NR1D2: variants seen among roughly 807,000 people sequenced by gnomAD.
NR1D2 encodes the protein nuclear receptor subfamily 1 group D member 2, also known as V-erbA-related protein 1-related.
NR1D2 carries 25 observed loss-of-function variants against 52.2 expected under a neutral mutation model. The ratio of observed to expected loss-of-function variants is 0.48; its 90% confidence interval spans 0.35 to 0.67. The LOEUF (loss-of-function observed/expected upper bound fraction) is 0.67, where lower values mean the gene tolerates loss of function less well. Ranked by LOEUF, NR1D2 falls within the 30% of genes least tolerant of loss-of-function variation. NR1D2 has a pLI of 0.01. For synonymous variants in NR1D2, 259 were observed against 230.1 expected (o/e 1.13, Z -1.14); for missense variants, 681 against 707.2 (o/e 0.96, Z 0.42).
chr3:23,945,567 C>A lies in NR1D2; in HGVS notation c.-12C>A. Reference sequence around the variant, plus strand: ...GGAAGCGGGCGGCCCCGGCCGCCTCCGCGAGGGCACCATGGAGGTGAATGC... The same window carrying A: ...GGAAGCGGGCGGCCCCGGCCGCCTCAGCGAGGGCACCATGGAGGTGAATGC... On this transcript the variant is annotated 5_prime_UTR_variant, in exon 1 of 8. Transcript: ENST00000312521. 1 of 1,165,326 alleles carries A rather than the reference C, an allele frequency of 8.6e-7. No homozygotes were observed. 72.2% of individuals were successfully genotyped at this position (1,165,326 alleles called of 1,614,324 possible).
At chr3:23,961,128 G>A (rs1034820484) in intron 4 of NR1D2, among the ~76,000 whole-genome samples, 1 of 151,722 alleles carries the variant, frequency 6.6e-6, no homozygotes, top group African/African-American at 2.4e-5. Context: ...TTTTTAAAGA[G>A]GCTGGAAAAG....
At chr3:23,952,651 G>T (rs1575146798) in intron 1 of NR1D2, among the ~76,000 whole-genome samples, 1 of 151,902 alleles carries the variant, frequency 6.6e-6, no homozygotes, top group African/African-American at 2.4e-5. Context: ...GCATGAACCC[G>T]GGAGGCGGAG....
At chr3:23,954,502 G>T (rs559492799) in intron 1 of NR1D2, 35 bp from the exon 2 acceptor site, 52 of 1,577,026 alleles carry the variant, frequency 3.3e-5, no homozygotes, top group Middle Eastern at 1.7e-4. Flanking sequence ...GTATTATCTT[G>T]TATCTAATTA....
Position 23,945,550 on chromosome 3 carries a change from G to A in NR1D2, c.-29G>A, listed in dbSNP as rs1412060857. On this transcript the variant is annotated 5_prime_UTR_variant, in exon 1 of 8. Coordinates refer to ENST00000312521, the MANE Select transcript of NR1D2 (RefSeq NM_005126.5). ...GCGCTGCCCCCTCTGCGGGAAGCGG[G>A]CGGCCCCGGCCGCCTCCGCGAGGGC... 2.5e-5 allele frequency: 29 copies of A among 1,149,308 alleles called. No homozygotes were observed. The highest frequency in any genetic ancestry group is 3.1e-5 in the Non-Finnish European group (29 of 928,702). 71.2% of individuals were successfully genotyped at this position (1,149,308 alleles called of 1,614,324 possible). A position where few individuals can be genotyped will look rare whatever the true frequency, so the allele number is the denominator to read the frequency against.
chr3:23,964,934 C>T, intron 5 of NR1D2, 43 bp from the exon 6 acceptor site: 5 of 1,288,504 alleles, frequency 3.9e-6, no homozygotes, highest in South Asian at 2.8e-5. Flanking sequence ...ATTTCTTTAC[C>T]ACCTCTTAGT....
intron 6 of NR1D2, among the ~76,000 whole-genome samples, chr3:23,966,273 A>G (rs1706448488): frequency 6.6e-6 from 1 of 152,214 alleles, no homozygotes; most frequent in Non-Finnish European, 1.5e-5. Flanking sequence ...GATTTATTAT[A>G]ACGGAGGGAG....
At chr3:23,945,797 G>T (rs1370932514) in intron 1 of NR1D2, among the ~76,000 whole-genome samples, 3 of 150,350 alleles carry the variant, frequency 2.0e-5, no homozygotes, top group Non-Finnish European at 4.5e-5. Flanking sequence ...CTGCAAAGCC[G>T]CAGCGCGGCC....
At position 23,978,538 on chromosome 3, in the gene NR1D2, A is replaced by C. The variant is rs1352773914; in HGVS notation, c.*1119A>C. ...TCATCTTTGGCAAAATCTTTGGTTC[A>C]GGGTACTAGTTGTTTAAAAGTTGAT... On this transcript the variant is annotated 3_prime_UTR_variant, in exon 8 of 8. Transcript: ENST00000312521. 6.6e-6 allele frequency: 1 copy of C among 151,820 alleles called. No homozygotes were observed. The highest frequency in any genetic ancestry group is 1.9e-4 in the East Asian group (1 of 5,190). The allele number at this position is 151,820 out of a possible 1,614,324, so 9.4% of individuals were successfully genotyped here. A position where few individuals can be genotyped will look rare whatever the true frequency, so the allele number is the denominator to read the frequency against.
chr3:23,964,441 A>G (rs369378085), intron 5 of NR1D2, among the ~76,000 whole-genome samples: 4 of 152,144 alleles, frequency 2.6e-5, no homozygotes, highest in African/African-American at 9.7e-5. Context: ...GGAAATTACA[A>G]CATTGTAATT....
Position 23,954,517 on chromosome 3 carries a change from AT to A in NR1D2, c.17-16del. Reference sequence around the variant, plus strand: ...GTATTATCTTGTATCTAATTATGTGATTTTCCTCCTATTTTCTAGGAGGTGT... The same window carrying A: ...GTATTATCTTGTATCTAATTATGTGATTTCCTCCTATTTTCTAGGAGGTGT... On this transcript the variant is annotated intron_variant, in intron 1 of 7. Transcript: ENST00000312521. 6.2e-7 allele frequency: 1 copy of A among 1,603,380 alleles called. No individual in the cohort carries two copies. Among genetic ancestry groups the A allele is most frequent in the Non-Finnish European group, 8.5e-7 (1 of 1,172,306 alleles).
At position 23,980,069 on chromosome 3, in the gene NR1D2, T is replaced by G. The variant is rs1706837603; in HGVS notation, c.*2650T>G. On this transcript the variant is annotated 3_prime_UTR_variant, in exon 8 of 8. Coordinates refer to ENST00000312521, the MANE Select transcript of NR1D2 (RefSeq NM_005126.5). Reference sequence around the variant, plus strand: ...CTTGGGATGAAGCTTGTCCTTATGGTGATGGTTTAATTACAGATTAAAAAA... The same window carrying G: ...CTTGGGATGAAGCTTGTCCTTATGGGGATGGTTTAATTACAGATTAAAAAA... 1 of 152,038 alleles carries G rather than the reference T, an allele frequency of 6.6e-6. No individual in the cohort carries two copies. Among genetic ancestry groups the G allele is most frequent in the African/African-American group, 2.4e-5 (1 of 41,408 alleles). 9.4% of individuals were successfully genotyped at this position (152,038 alleles called of 1,614,324 possible). A position where few individuals can be genotyped will look rare whatever the true frequency, so the allele number is the denominator to read the frequency against.
At chr3:23,966,529 A>G (rs973745172) in intron 6 of NR1D2, among the ~76,000 whole-genome samples, 2 of 152,248 alleles carry the variant, frequency 1.3e-5, no homozygotes, top group African/African-American at 4.8e-5. Flanking sequence ...GCCATGTGTT[A>G]TACTTGGCAG....
At chr3:23,974,544 C>T (rs995219896) in intron 7 of NR1D2, among the ~76,000 whole-genome samples, 7 of 151,890 alleles carry the variant, frequency 4.6e-5, no homozygotes, top group East Asian at 1.9e-4. Context: ...TTTTGTTCAC[C>T]GCTGATTTCC....
At chr3:23,945,662 G>C (rs561866720) in intron 1 of NR1D2, 68 bp downstream of exon 1, 9 of 1,082,072 alleles carry the variant, frequency 8.3e-6, no homozygotes, top group African/African-American at 1.7e-5. Flanking sequence ...GGGCACTTTG[G>C]GGGGCGGCGG....
At chr3:23,968,412 A>T (rs1393102914) in intron 7 of NR1D2, among the ~76,000 whole-genome samples, 1 of 152,250 alleles carries the variant, frequency 6.6e-6, no homozygotes, top group Non-Finnish European at 1.5e-5. Context: ...CATTAAAAGT[A>T]TCAAGAGGTA....
Position 23,980,413 on chromosome 3 carries a change from A to T in NR1D2, c.*2994A>T, listed in dbSNP as rs1172572671. On this transcript the variant is annotated 3_prime_UTR_variant, in exon 8 of 8. Coordinates refer to ENST00000312521, the MANE Select transcript of NR1D2 (RefSeq NM_005126.5). ...AAAGATTGACTGGATTCGATCCAAAAGATAAAACTTGAAGCTATTCTGGAA... is the reference window on the plus strand; with the variant it reads ...AAAGATTGACTGGATTCGATCCAAATGATAAAACTTGAAGCTATTCTGGAA... 6.6e-6 allele frequency: 1 copy of T among 152,052 alleles called. No homozygotes were observed. Among genetic ancestry groups the T allele is most frequent in the East Asian group, 1.9e-4 (1 of 5,186 alleles). The allele number at this position is 152,052 out of a possible 1,614,324, so 9.4% of individuals were successfully genotyped here.
At chr3:23,949,234 G>A (rs904667300) in intron 1 of NR1D2, among the ~76,000 whole-genome samples, 2 of 151,744 alleles carry the variant, frequency 1.3e-5, no homozygotes, top group Admixed American at 6.6e-5. Context: ...GTGTGGTGGC[G>A]GGTGCCTGTA....
At chr3:23,945,830 C>A (rs1412208146) in intron 1 of NR1D2, among the ~76,000 whole-genome samples, 1 of 150,762 alleles carries the variant, frequency 6.6e-6, no homozygotes, top group African/African-American at 2.4e-5. Context: ...GCCCGGCCCC[C>A]CCCTCACATG....
intron 3 of NR1D2, among the ~76,000 whole-genome samples, chr3:23,958,853 G>T (rs547290430): frequency 2.0e-5 from 3 of 152,176 alleles, no homozygotes; most frequent in Non-Finnish European, 4.4e-5. Flanking sequence ...GGAGGCTGAG[G>T]CAGGAGAATC....
Sources: allele counts gnomAD v4.1 joint callset (sites outside exome capture counted in the v4.1 genomes callset), GRCh38; gene constraint gnomAD v4.1.1; transcripts MANE v1.5; gene names NCBI Gene and HGNC (gene_info 2026-07-23, HGNC 2026-07-21).